Variants in CA7 observed in about 807,000 individuals in gnomAD.
CA7 encodes carbonic anhydrase 7.
Under a neutral mutation model 31.4 loss-of-function variants are expected in CA7, and 13 were observed. That is an observed-to-expected ratio of 0.41 (90% CI 0.27 to 0.66). The LOEUF is 0.66. Among genes scored for constraint, CA7 ranks in the 30% least tolerant of loss-of-function variants. The pLI, the probability that CA7 is intolerant of heterozygous loss-of-function variation, is 0.28. For synonymous variants in CA7, 128 were observed against 133.2 expected (o/e 0.96, Z 0.27); for missense variants, 215 against 351.0 (o/e 0.61, Z 3.10).
At position 66,850,573 on chromosome 16, in the gene CA7, C is replaced by T. The variant is rs1961021592; in HGVS notation, c.271C>T (p.Arg91Cys). 5.0e-6 allele frequency: 8 copies of T among 1,613,846 alleles called. No homozygotes were observed. Among genetic ancestry groups the T allele is most frequent in the Non-Finnish European group, 5.9e-6 (7 of 1,179,746 alleles). ...TGGGGGCCCCCTGGAAGGGCCCTAC[C>T]GCCTCAAGCAGTTTCACTTCCACTG... ...VTGGPLEGPY[R>C]LKQFHFHWGK... Residue 91 changes from arginine to cysteine, a missense_variant, in exon 3 of 7, where the codon CGC (arginine) becomes TGC (cysteine). Transcript: ENST00000338437.
At chr16:66,847,297 G>C in intron 2 of CA7, 70 bp downstream of exon 2, 1 of 1,387,664 alleles carries the variant, frequency 7.2e-7, no homozygotes, top group Non-Finnish European at 1.0e-6. Flanking sequence ...GTGTTGGGCA[G>C]TCTCAGGAAG....
rs750411161 is a variant in CA7, at chr16:66,852,702, C to T, written c.517-10C>T. On this transcript the variant is annotated splice_polypyrimidine_tract_variant and intron_variant, in intron 5 of 6. Transcript: ENST00000338437. ...TATGCTGATTCCTGGGTTCCTCCAC[C>T]TTGTTCCAGGGCACCAAAGCCCAGT... 1 of 1,610,094 alleles carries T rather than the reference C, an allele frequency of 6.2e-7. No homozygotes were observed. The highest frequency in any genetic ancestry group is 2.2e-5 in the East Asian group (1 of 44,676).
Position 66,850,547 on chromosome 16 carries a change from C to A in CA7, c.245C>A (p.Thr82Asn), listed in dbSNP as rs1275547315. The A allele has an allele frequency of 1.2e-6, 2 of 1,607,266 alleles. No individual in the cohort carries two copies. Among genetic ancestry groups the A allele is most frequent in the East Asian group, 2.2e-5 (1 of 44,830 alleles). ...FNDSDDRTVVTGGPLEGPYRL... is the reference protein window; with the variant it reads ...FNDSDDRTVVNGGPLEGPYRL... ...GCCCCACTTCTACCCACAGTGGTGA[C>A]TGGGGGCCCCCTGGAAGGGCCCTAC... Residue 82 changes from threonine (T) to asparagine (N), a missense_variant, in exon 3 of 7, where the codon ACT becomes AAT. Physicochemically the swap from Thr to Asn is moderately conservative, Grantham distance 65. Coordinates refer to ENST00000338437, the MANE Select transcript of CA7 (RefSeq NM_005182.3).
intron 1 of CA7, among the ~76,000 whole-genome samples, chr16:66,846,439 G>T (rs1422370378): frequency 6.6e-6 from 1 of 152,196 alleles, no homozygotes; most frequent in Non-Finnish European, 1.5e-5. Context: ...TGGGAGGGCA[G>T]CTGGGGGCAG....
At chr16:66,852,260 C>A (rs575371745) in intron 5 of CA7, among the ~76,000 whole-genome samples, 3 of 152,138 alleles carry the variant, frequency 2.0e-5, no homozygotes, top group Non-Finnish European at 2.9e-5. Flanking sequence ...GTCAGGAGTT[C>A]AAGACCAGCC....
intron 1 of CA7, among the ~76,000 whole-genome samples, chr16:66,845,927 G>C (rs115113729): frequency 6.6e-6 from 1 of 152,174 alleles, no homozygotes; most frequent in Non-Finnish European, 1.5e-5. Flanking sequence ...TGTTCACAGG[G>C]CTTCAAAAAT....
intron 2 of CA7, among the ~76,000 whole-genome samples, chr16:66,848,710 C>T (rs372452130): frequency 5.3e-5 from 8 of 152,192 alleles, no homozygotes; most frequent in African/African-American, 1.4e-4. Context: ...AATGGCAGCA[C>T]ATTCTGTGTG....
In CA7 at chr16:66,847,054, A is replaced by T. The variant is rs117738342; in HGVS notation, c.65A>T (p.Tyr22Phe). 5,530 of 1,614,130 alleles carry T rather than the reference A, an allele frequency of 3.4e-3. 11 individuals carry two copies. Among genetic ancestry groups the T allele is most frequent in the Non-Finnish European group, 4.2e-3 (4,945 of 1,180,010 alleles). ...DDGPSHWHKL[Y>F]PIAQGDRQSP... Reference sequence around the variant, plus strand: ...GGCCCCTCGCATTGGCACAAGCTGTATCCCATTGCCCAGGGAGATCGCCAA... The same window carrying T: ...GGCCCCTCGCATTGGCACAAGCTGTTTCCCATTGCCCAGGGAGATCGCCAA... Residue 22 changes from tyrosine to phenylalanine, a missense_variant, in exon 2 of 7, where the codon TAT (tyrosine) becomes TTT (phenylalanine). By Grantham distance (22) the Tyr-to-Phe change is conservative. Coordinates refer to ENST00000338437, the MANE Select transcript of CA7 (RefSeq NM_005182.3).
rs760464964 is a variant in CA7, at chr16:66,852,885, A to C, written c.672+18A>C. 6.2e-7 allele frequency: 1 copy of C among 1,608,738 alleles called. No individual in the cohort carries two copies. The highest frequency in any genetic ancestry group is 8.5e-7 in the Non-Finnish European group (1 of 1,176,584). ...AAAGGCAGGTGAGTCCTCTCAGAGG[A>C]CCAGATGGAGGGACATGGCACTCAG... is the stretch of plus-strand genomic sequence containing the variant. On this transcript the variant is annotated intron_variant, in intron 6 of 6. Coordinates refer to ENST00000338437, the MANE Select transcript of CA7 (RefSeq NM_005182.3).
intron 3 of CA7, among the ~76,000 whole-genome samples, chr16:66,850,970 G>A (rs1409933759): frequency 6.6e-6 from 1 of 152,134 alleles, no homozygotes; most frequent in African/African-American, 2.4e-5. Context: ...GATCTTGCCT[G>A]GCCTCATCCT....
chr16:66,852,560 AAG>A (rs1453676497), intron 5 of CA7, 150 bp from the exon 6 acceptor site: 5 of 530,418 alleles, frequency 9.4e-6, no homozygotes, highest in East Asian at 6.9e-5. Context: ...GAAAGAAAGA[AAG>A]AAAGAAAAAG....
chr16:66,849,384 A>G (rs2145380629), intron 2 of CA7, among the ~76,000 whole-genome samples: 1 of 152,268 alleles, frequency 6.6e-6, no homozygotes, highest in South Asian at 2.1e-4. Flanking sequence ...TCAAGGTTCT[A>G]GGGAGGCAGT....
rs1175030740 is a variant in CA7 at position 66,853,065 on chromosome 16, G to A, written c.672+198G>A. 1.3e-5 allele frequency among the ~76,000 whole-genome samples: 2 copies of A among 152,206 alleles called. No homozygotes were observed. Among genetic ancestry groups the A allele is most frequent in the Non-Finnish European group, 2.9e-5 (2 of 68,038 alleles). ...ACCAGAACCTAGACACTGGCTGGGA[G>A]CGGGGATACCTGGATCCTGGGACCC... is the stretch of plus-strand genomic sequence containing the variant. On this transcript the variant is annotated intron_variant, in intron 6 of 6. Coordinates refer to ENST00000338437, the MANE Select transcript of CA7 (RefSeq NM_005182.3). This position sits in a 1 kb window ranked among gnomAD's most constrained non-coding sequence, Gnocchi z 4.5.
At position 66,851,447 on chromosome 16, in the gene CA7, T is replaced by C. The variant is rs776302634; in HGVS notation, c.358-16T>C. 23 of 1,610,154 alleles carry C rather than the reference T, an allele frequency of 1.4e-5. No individual in the cohort carries two copies. Among genetic ancestry groups the C allele is most frequent in the Non-Finnish European group, 1.7e-6 (2 of 1,176,478 alleles). ...CTCTGGGAGGCACGAAGCATTGGCCTGTTGTTGCCCCATAGCTGCATCTGG... is the reference window on the plus strand; with the variant it reads ...CTCTGGGAGGCACGAAGCATTGGCCCGTTGTTGCCCCATAGCTGCATCTGG... On this transcript the variant is annotated splice_polypyrimidine_tract_variant and intron_variant, in intron 3 of 6. Transcript: ENST00000338437.
chr16:66,845,065 G>C, intron 1 of CA7: 1 of 985,970 alleles, frequency 1.0e-6, no homozygotes, highest in Non-Finnish European at 1.2e-6. Flanking sequence ...GGCACTTGGG[G>C]GCGCAAGCAT....
In CA7 at chr16:66,844,501, AC is replaced by A; in HGVS notation, c.15del (p.His5GlnfsTer66). The A allele has an allele frequency of 6.5e-7, 1 of 1,543,330 alleles. No homozygotes were observed. The highest frequency in any genetic ancestry group is 8.7e-7 in the Non-Finnish European group (1 of 1,144,230). On this transcript the variant is annotated frameshift_variant, in exon 1 of 7. Coordinates refer to ENST00000338437, the MANE Select transcript of CA7 (RefSeq NM_005182.3). LOFTEE classifies it high-confidence loss of function. Reference sequence around the variant, plus strand: ...GACGGCAGCGGCATGACCGGCCACCACGGCTGGGGCTACGGCCAGGACGACG... The same window carrying A: ...GACGGCAGCGGCATGACCGGCCACCAGGCTGGGGCTACGGCCAGGACGACG... MTGH[H>X]GWGYGQDDGP...
intron 1 of CA7, chr16:66,845,264 T>A (rs1960904496): frequency 1.0e-6 from 1 of 981,522 alleles, no homozygotes. Flanking sequence ...AGTGTGGGTC[T>A]GGGGCAGTCA....
chr16:66,844,578 G>A lies in CA7; in HGVS notation c.40+51G>A, dbSNP rs921577594. 2.7e-6 allele frequency: 4 copies of A among 1,464,906 alleles called. No homozygotes were observed. In the South Asian group the frequency reaches 3.7e-5, roughly 14 times the overall value. 90.7% of individuals were successfully genotyped at this position (1,464,906 alleles called of 1,614,324 possible). ...TCTGGCTCGGACCCCCGACCCAACT[G>A]CACTCGCCCCAACCCTCTTGCCCAG... is the stretch of plus-strand genomic sequence containing the variant. On this transcript the variant is annotated intron_variant, in intron 1 of 6. Coordinates refer to ENST00000338437, the MANE Select transcript of CA7 (RefSeq NM_005182.3).
rs762529587 is a variant in CA7, at chr16:66,847,153, C to G, written c.164C>G (p.Ala55Gly). The change falls in exon 2 of 7, where the codon GCC (alanine) becomes GGC (glycine). Residue 55 changes from alanine (A) to glycine (G), a missense_variant. Transcript: ENST00000338437. ...CAACCACTGGAGCTTTCCTATGAGG[C>G]CTGCATGTCCCTCAGCATCACCAAC... Reference protein sequence around the residue: ...SLQPLELSYEACMSLSITNNG... With the variant: ...SLQPLELSYEGCMSLSITNNG... 4 of 1,614,112 alleles carry G rather than the reference C, an allele frequency of 2.5e-6. No homozygotes were observed. The highest frequency in any genetic ancestry group is 1.1e-5 in the South Asian group (1 of 91,092).
Sources: gnomAD v4.1 joint callset for allele counts (sites outside exome capture counted in the v4.1 genomes callset) on GRCh38, gnomAD v4.1.1 for gene constraint, Gnocchi (gnomAD v3.1) non-coding constraint, MANE v1.5 for transcripts, NCBI Gene and HGNC (gene_info 2026-07-23, HGNC 2026-07-21) for gene names.